Variants in MPRIP observed in about 807,000 individuals in gnomAD.
The protein encoded by MPRIP is myosin phosphatase Rho interacting protein, also known as myosin phosphatase Rho-interacting protein.
MPRIP carries 59 observed loss-of-function variants against 234.9 expected under a neutral mutation model. That is an observed-to-expected ratio of 0.25 (90% confidence interval 0.20 to 0.31). The LOEUF is 0.31. Among genes scored for constraint, MPRIP ranks in the 10% least tolerant of loss-of-function variants. The pLI, the probability that MPRIP is intolerant of heterozygous loss-of-function variation, is 1.00. For synonymous variants in MPRIP, 1,144 were observed against 1,263.9 expected (o/e 0.91, Z 2.01); for missense variants, 2,436 against 3,071.0 (o/e 0.79, Z 4.89).
intron 3 of MPRIP, among the ~76,000 whole-genome samples, chr17:17,111,114 A>G (rs966409082): frequency 2.7e-5 from 4 of 150,256 alleles, no homozygotes; most frequent in Non-Finnish European, 3.0e-5. Flanking sequence ...ATGTGAATCT[A>G]TTCTGAAATT....
At chr17:17,049,960 G>A (rs1480919081) in intron 1 of MPRIP, among the ~76,000 whole-genome samples, 1 of 152,174 alleles carries the variant, frequency 6.6e-6, no homozygotes, top group Non-Finnish European at 1.5e-5. Flanking sequence ...AGGCCGAGAC[G>A]GGCGGATCAC....
intron 3 of MPRIP, among the ~76,000 whole-genome samples, chr17:17,085,869 C>T (rs760546717): frequency 1.3e-5 from 2 of 152,132 alleles, no homozygotes; most frequent in Admixed American, 6.5e-5. Flanking sequence ...GCTGAGATCA[C>T]GCCACTGCAC....
intron 15 of MPRIP, 110 bp downstream of exon 15, chr17:17,161,466 T>C (rs1216172804): frequency 3.3e-6 from 2 of 613,584 alleles, no homozygotes; most frequent in African/African-American, 1.9e-5. Flanking sequence ...CAGGGGTGTC[T>C]CCCAGGAGCT....
intron 13 of MPRIP, 124 bp from the exon 14 acceptor site, chr17:17,158,308 T>G: frequency 1.3e-6 from 1 of 765,158 alleles, no homozygotes; most frequent in Non-Finnish European, 2.1e-6. Context: ...GAAGCTGGGA[T>G]TAGGATAGAA....
chr17:17,125,523 A>G (rs987440016), intron 3 of MPRIP, among the ~76,000 whole-genome samples: 8 of 144,934 alleles, frequency 5.5e-5, no homozygotes, highest in African/African-American at 1.5e-4. Flanking sequence ...AGAGGTGGCA[A>G]GTAGGTCAGA....
intron 13 of MPRIP, 49 bp from the exon 14 acceptor site, chr17:17,158,383 C>G (rs2144594574): frequency 6.7e-7 from 1 of 1,487,666 alleles, no homozygotes; most frequent in Non-Finnish European, 9.0e-7. Context: ...CCTGGCAGGC[C>G]ACACCAGAGC....
intron 23 of MPRIP, among the ~76,000 whole-genome samples, chr17:17,181,111 G>A (rs903703883): frequency 2.6e-5 from 4 of 152,220 alleles, no homozygotes; most frequent in African/African-American, 9.6e-5. Context: ...TTCTAGGAAT[G>A]GATAAACCAG....
chr17:17,136,102 C>T (rs1052278620), intron 5 of MPRIP, 117 bp from the exon 6 acceptor site: 8 of 1,011,926 alleles, frequency 7.9e-6, no homozygotes, highest in Non-Finnish European at 1.2e-5. Flanking sequence ...AGATTCCAGG[C>T]CCCTGACATT....
intron 1 of MPRIP, among the ~76,000 whole-genome samples, chr17:17,059,063 C>G (rs142226525): frequency 1.2e-3 from 176 of 152,316 alleles, no homozygotes; most frequent in African/African-American, 4.1e-3. Flanking sequence ...GAAGTTAAAA[C>G]TGAAAAAGTT....
At chr17:17,122,347 ATTTGTTTTGT>A (rs201265222) in intron 3 of MPRIP, among the ~76,000 whole-genome samples, 1 of 151,436 alleles carries the variant, frequency 6.6e-6, no homozygotes, top group Non-Finnish European at 1.5e-5. Flanking sequence ...TTTTTTGTTT[ATTTGTTTTGT>A]TTTGTTTTGT....
Position 17,126,616 on chromosome 17 carries a change from G to A in MPRIP, c.268-86G>A, listed in dbSNP as rs999511044. The A allele has an allele frequency of 7.0e-5, 102 of 1,449,572 alleles. No individual in the cohort carries two copies. In the African/African-American group the frequency reaches 1.3e-3, roughly 19 times the overall value. 89.8% of individuals were successfully genotyped at this position (1,449,572 alleles called of 1,614,324 possible). On this transcript the variant is annotated intron_variant, in intron 3 of 23. Transcript: ENST00000651222. ...AGCACTCCTAGAGGCCCCACAGGCT[G>A]GGAGGGTCAGGAATGGCCTGGGGCT...
At chr17:17,047,363 T>A (rs1023335548) in intron 1 of MPRIP, among the ~76,000 whole-genome samples, 2 of 152,222 alleles carry the variant, frequency 1.3e-5, no homozygotes, top group Non-Finnish European at 1.5e-5. Flanking sequence ...GTTATTTTTC[T>A]TTTTCATAAT....
chr17:17,143,125 C>CCAGGAGA (rs2045367513), intron 8 of MPRIP, among the ~76,000 whole-genome samples: 1 of 152,190 alleles, frequency 6.6e-6, no homozygotes, highest in Non-Finnish European at 1.5e-5. Context: ...GTAGACTCGG[C>CCAGGAGA]TTCTGAAATC....
intron 3 of MPRIP, among the ~76,000 whole-genome samples, chr17:17,102,957 T>G (rs929683524): frequency 6.6e-6 from 1 of 152,242 alleles, no homozygotes; most frequent in African/African-American, 2.4e-5. Flanking sequence ...CTGTCTGGCA[T>G]GGGCTCCAAG....
intron 12 of MPRIP, among the ~76,000 whole-genome samples, chr17:17,153,283 A>G (rs1389622122): frequency 1.3e-5 from 2 of 152,102 alleles, no homozygotes; most frequent in Admixed American, 6.5e-5. Flanking sequence ...ACTAGCACCC[A>G]TCCGAAAACC....
intron 8 of MPRIP, among the ~76,000 whole-genome samples, chr17:17,143,174 G>A (rs145433683): frequency 6.6e-6 from 1 of 152,298 alleles, no homozygotes; most frequent in Admixed American, 6.5e-5. Flanking sequence ...AGCCGGCCAA[G>A]TCTAAGCTCA....
intron 3 of MPRIP, 80 bp from the exon 4 acceptor site, chr17:17,126,622 G>C: frequency 6.7e-7 from 1 of 1,483,708 alleles, no homozygotes; most frequent in East Asian, 2.3e-5. Flanking sequence ...GGCTGGGAGG[G>C]TCAGGAATGG....
chr17:17,168,327 G>C (rs1236607601), intron 16 of MPRIP: 2 of 259,438 alleles, frequency 7.7e-6, no homozygotes, highest in African/African-American at 4.5e-5. Context: ...CCTGAGGACA[G>C]CCTTGTACTC....
chr17:17,186,895 G>A lies in MPRIP; in HGVS notation c.*2001G>A, dbSNP rs1217558897. 2 of 152,362 alleles carry A rather than the reference G, an allele frequency of 1.3e-5. No individual in the cohort carries two copies. The highest frequency in any genetic ancestry group is 4.8e-5 in the African/African-American group (2 of 41,582). The allele number at this position is 152,362 out of a possible 1,614,324, so 9.4% of individuals were successfully genotyped here. On this transcript the variant is annotated 3_prime_UTR_variant, in exon 24 of 24. Transcript: ENST00000651222. ...ACTGCTGGGTCACACGAATGCTCCA[G>A]GACAGACAGGGACCTGGAGTGCATC...
Sources: gnomAD v4.1 joint callset for allele counts (sites outside exome capture counted in the v4.1 genomes callset) on GRCh38, gnomAD v4.1.1 for gene constraint, MANE v1.5 for transcripts, NCBI Gene and HGNC (gene_info 2026-07-23, HGNC 2026-07-21) for gene names.